The following LRRC4C variants were observed in gnomAD, a reference collection of about 807,000 sequenced individuals.
LRRC4C encodes leucine rich repeat containing 4C, also known as leucine-rich repeat-containing protein 4C.
LRRC4C carries 5 observed loss-of-function variants against 33.6 expected under a neutral mutation model. The observed-to-expected ratio is 0.15, with a 90% confidence interval of 0.08 to 0.31. The LOEUF (loss-of-function observed/expected upper bound fraction) is 0.31, where lower values mean the gene tolerates loss of function less well. LRRC4C is among the 10% of genes least tolerant of loss of function. The probability of loss-of-function intolerance (pLI) is 1.00; values close to 1 mark genes in which losing one functional copy is unlikely to be tolerated. For missense variants in LRRC4C, 560 were observed against 796.7 expected, an observed-to-expected ratio of 0.70 and a Z score of 3.58; for synonymous variants, 329 against 302.0, an observed-to-expected ratio of 1.09 and a Z score of -0.93.
At chr11:40,494,391 A>G (rs1386626490) in intron 3 of LRRC4C, among the ~76,000 whole-genome samples, 4 of 152,224 alleles carry the variant, frequency 2.6e-5, no homozygotes, top group Non-Finnish European at 5.9e-5. Context: ...TTATTTGAAT[A>G]TACCTGATAA....
intron 2 of LRRC4C, among the ~76,000 whole-genome samples, chr11:40,862,244 G>A (rs1404947854): frequency 1.3e-5 from 2 of 152,050 alleles, no homozygotes; most frequent in African/African-American, 2.4e-5. Context: ...AAAAATAGAA[G>A]GTAGGTGTTT....
At chr11:40,575,024 C>T (rs1958131514) in intron 3 of LRRC4C, among the ~76,000 whole-genome samples, 1 of 152,178 alleles carries the variant, frequency 6.6e-6, no homozygotes, top group Admixed American at 6.5e-5. Flanking sequence ...GACTGGGTCA[C>T]AGTCAAAGGA....
At chr11:40,122,596 A>G (rs1855903786) in intron 6 of LRRC4C, among the ~76,000 whole-genome samples, 1 of 152,260 alleles carries the variant, frequency 6.6e-6, no homozygotes, top group African/African-American at 2.4e-5. Flanking sequence ...GACAGTGCCA[A>G]ACTTTGTGAG....
At chr11:40,162,295 C>T (rs753816095) in intron 5 of LRRC4C, among the ~76,000 whole-genome samples, 1 of 152,068 alleles carries the variant, frequency 6.6e-6, no homozygotes, top group African/African-American at 2.4e-5. Context: ...AACGCTCAAA[C>T]ATTTTGGCAT....
intron 3 of LRRC4C, among the ~76,000 whole-genome samples, chr11:40,545,207 T>G (rs2135409906): frequency 6.6e-6 from 1 of 152,164 alleles, no homozygotes; most frequent in Non-Finnish European, 1.5e-5. Flanking sequence ...ATTATGTATT[T>G]GAATATCTGC....
intron 3 of LRRC4C, among the ~76,000 whole-genome samples, chr11:40,365,910 A>G (rs149132928): frequency 0.011 from 1,666 of 152,188 alleles, 26 homozygotes; most frequent in African/African-American, 0.037. Context: ...GAGAATACAT[A>G]TTACATATAC....
intron 5 of LRRC4C, among the ~76,000 whole-genome samples, chr11:40,227,628 G>T (rs1274797773): frequency 2.6e-5 from 4 of 152,140 alleles, no homozygotes; most frequent in African/African-American, 9.7e-5. Context: ...CCGAATGCAT[G>T]ATGACTCCCC....
At chr11:41,220,533 T>TACACACACACACAC (rs3067232) in intron 1 of LRRC4C, among the ~76,000 whole-genome samples, 3 of 144,272 alleles carry the variant, frequency 2.1e-5, no homozygotes, top group African/African-American at 7.7e-5. Context: ...CACACAGACA[T>TACACACACACACAC]ACACACACAC....
At chr11:40,691,975 A>C (rs146575950) in intron 2 of LRRC4C, among the ~76,000 whole-genome samples, 1,628 of 152,154 alleles carry the variant, frequency 0.011, 17 homozygotes, top group Non-Finnish European at 0.012. Flanking sequence ...TAAGACAGAA[A>C]TCTACTTTTC....
chr11:41,402,105 T>C (rs1954048133), intron 1 of LRRC4C, among the ~76,000 whole-genome samples: 1 of 151,932 alleles, frequency 6.6e-6, no homozygotes, highest in Non-Finnish European at 1.5e-5. Flanking sequence ...AATACTACAA[T>C]ACAGTCTGAT....
At chr11:40,219,740 T>TCG (rs1565150159) in intron 5 of LRRC4C, among the ~76,000 whole-genome samples, 3 of 144,462 alleles carry the variant, frequency 2.1e-5, no homozygotes, top group African/African-American at 7.6e-5. Context: ...GGGGAAGAAA[T>TCG]TGGGGGGGTG....
At chr11:40,558,352 A>G (rs1180578625) in intron 3 of LRRC4C, among the ~76,000 whole-genome samples, 2 of 152,224 alleles carry the variant, frequency 1.3e-5, no homozygotes, top group Admixed American at 6.5e-5. Flanking sequence ...TTCAATCTGC[A>G]CAGTAATTCT....
At chr11:40,133,028 C>T (rs764954773) in intron 6 of LRRC4C, among the ~76,000 whole-genome samples, 11 of 152,296 alleles carry the variant, frequency 7.2e-5, no homozygotes, top group Middle Eastern at 3.4e-3. Flanking sequence ...AGAAGACTAT[C>T]TGAAACGTAA....
intron 2 of LRRC4C, among the ~76,000 whole-genome samples, chr11:40,933,197 C>T (rs141499085): frequency 2.7e-4 from 41 of 152,286 alleles, no homozygotes; most frequent in Non-Finnish European, 5.3e-4. Flanking sequence ...ATACATGCAA[C>T]TGCAGTTAGA....
At chr11:40,332,429 T>C (rs982651744) in intron 3 of LRRC4C, among the ~76,000 whole-genome samples, 2 of 152,188 alleles carry the variant, frequency 1.3e-5, no homozygotes, top group African/African-American at 4.8e-5. Context: ...AGGGCCCACC[T>C]AAATCCTGAT....
intron 3 of LRRC4C, among the ~76,000 whole-genome samples, chr11:40,470,021 C>T (rs953644952): frequency 6.6e-6 from 1 of 152,174 alleles, no homozygotes; most frequent in African/African-American, 2.4e-5. Context: ...CAGCACAGTG[C>T]TCGAGCTCTG....
At chr11:41,099,410 C>G (rs1353962136) in intron 1 of LRRC4C, among the ~76,000 whole-genome samples, 3 of 151,462 alleles carry the variant, frequency 2.0e-5, no homozygotes, top group African/African-American at 7.3e-5. Context: ...AACTTCAGAC[C>G]AATATCCATG....
At chr11:40,792,871 G>A (rs1451689807) in intron 2 of LRRC4C, among the ~76,000 whole-genome samples, 1 of 151,972 alleles carries the variant, frequency 6.6e-6, no homozygotes, top group African/African-American at 2.4e-5. Context: ...ATCATTCTCA[G>A]CAAACTATCA....
intron 1 of LRRC4C, among the ~76,000 whole-genome samples, chr11:40,986,103 C>T (rs972108193): frequency 1.3e-5 from 2 of 151,964 alleles, no homozygotes; most frequent in Admixed American, 1.3e-4. Context: ...ATTATATTTG[C>T]AACATTTCTG....
Sources: gnomAD v4.1 joint callset for allele counts (sites outside exome capture counted in the v4.1 genomes callset) on GRCh38, gnomAD v4.1.1 for gene constraint, MANE v1.5 for transcripts, NCBI Gene and HGNC (gene_info 2026-07-23, HGNC 2026-07-21) for gene names.